ICA1L: variants seen among roughly 807,000 people sequenced by gnomAD.
ICA1L encodes the protein islet cell autoantigen 1-like protein.
A neutral mutation model predicts 61.3 loss-of-function variants in ICA1L; 50 were observed. That is an observed-to-expected ratio of 0.82 (90% CI 0.65 to 1.03). The LOEUF (loss-of-function observed/expected upper bound fraction) is 1.03, where lower values mean the gene tolerates loss of function less well. ICA1L is among the 50% of genes least tolerant of loss of function. The pLI is 0.00. For synonymous variants in ICA1L, 161 were observed against 191.3 expected (o/e 0.84, Z 1.31); for missense variants, 508 against 556.7 (o/e 0.91, Z 0.88).
Position 202,779,353 on chromosome 2 carries a change from T to C in ICA1L, c.*180A>G, listed in dbSNP as rs1574317380. ...AGTACCAACAGCTGCAAATCCAAGA[T>C]ATGAAAGATGTGTACTTATTCAAAT... On this transcript the variant is annotated 3_prime_UTR_variant, in exon 13 of 13. Coordinates refer to ENST00000358299, the MANE Select transcript of ICA1L (RefSeq NM_001288622.3). 3 of 444,660 alleles carry C rather than the reference T, an allele frequency of 6.7e-6. No individual in the cohort carries two copies. Among genetic ancestry groups the C allele is most frequent in the Non-Finnish European group, 1.2e-5 (3 of 253,192 alleles). The allele number at this position is 444,660 out of a possible 1,614,324, so 27.5% of individuals were successfully genotyped here. A position where few individuals can be genotyped will look rare whatever the true frequency, so the allele number is the denominator to read the frequency against.
chr2:202,817,461 G>A lies in ICA1L; in HGVS notation c.641C>T (p.Ala214Val), dbSNP rs774414159. 6 of 1,610,520 alleles carry A rather than the reference G, an allele frequency of 3.7e-6. No individual in the cohort carries two copies. The highest frequency in any genetic ancestry group is 3.3e-5 in the South Asian group (3 of 90,630). Residue 214 changes from alanine (A) to valine (V), a missense_variant, in exon 6 of 13, where the codon GCT becomes GTT. Coordinates refer to ENST00000358299, the MANE Select transcript of ICA1L (RefSeq NM_001288622.3). ...ATGAGATAGCATATTGCAGCGACTA[G>A]CTCCAAGTAAATCCACTTTCTGACA... ...DVCQKVDLLG[A>V]SRCNMLSHSL...
rs776921938 is a variant in ICA1L, at chr2:202,814,696, G to A, written c.866+6C>T. ...AACATGACACAGATGACTTATGCCTGCTTACTTATTGAGCTGTTCAGTAAG... is the reference window on the plus strand; with the variant it reads ...AACATGACACAGATGACTTATGCCTACTTACTTATTGAGCTGTTCAGTAAG... On this transcript the variant is annotated splice_donor_region_variant and intron_variant, in intron 8 of 12. Transcript: ENST00000358299. 1.9e-6 allele frequency: 3 copies of A among 1,598,476 alleles called. No homozygotes were observed. The highest frequency in any genetic ancestry group is 1.3e-5 in the African/African-American group (1 of 74,698).
At position 202,821,479 on chromosome 2, in the gene ICA1L, T is replaced by A. The variant is rs144482724; in HGVS notation, c.238A>T (p.Ile80Leu). ...CCTAGCTCATTTTCTTCCTCTGATA[T>A]AACTAGGAAAAAAATTACAGTGTAG... ...IEKYQLRLNVISEEENELGLF... is the reference protein window; with the variant it reads ...IEKYQLRLNVLSEEENELGLF... The change falls in exon 4 of 13, where the codon ATA (isoleucine) becomes TTA (leucine). Residue 80 changes from isoleucine to leucine, a missense_variant and splice_region_variant. Ile to Leu is a conservative substitution (Grantham distance 5, BLOSUM62 2). Transcript: ENST00000358299. 1.9e-6 allele frequency: 3 copies of A among 1,601,526 alleles called. No individual in the cohort carries two copies. The highest frequency in any genetic ancestry group is 1.7e-5 in the Admixed American group (1 of 57,628).
intron 9 of ICA1L, among the ~76,000 whole-genome samples, chr2:202,803,679 G>A (rs941480734): frequency 5.9e-5 from 9 of 151,876 alleles, no homozygotes; most frequent in African/African-American, 1.9e-4. Context: ...GGGACTACAG[G>A]TGCACGCCAC....
chr2:202,830,776 T>C (rs1693996469), intron 1 of ICA1L, among the ~76,000 whole-genome samples: 1 of 152,084 alleles, frequency 6.6e-6, no homozygotes, highest in South Asian at 2.1e-4. Context: ...AGAAAAACTT[T>C]AGCAAAAGCA....
Position 202,785,996 on chromosome 2 carries a change from G to C in ICA1L, c.1255C>G (p.Gln419Glu). Residue 419 changes from glutamine (Q) to glutamate (E), a missense_variant, in exon 12 of 13, where the codon CAA becomes GAA. Transcript: ENST00000358299. ...GAAAGACAAAGTTCTGATTCCTCTT[G>C]GGAGACCCAGTCTGGGATAAAAGAA... ...VAGAFNNWVS[Q>E]EESELCLSHT... 1 of 1,600,666 alleles carries C rather than the reference G, an allele frequency of 6.2e-7. No individual in the cohort carries two copies. The highest frequency in any genetic ancestry group is 8.6e-7 in the Non-Finnish European group (1 of 1,169,382).
chr2:202,866,912 A>G (rs1468889153), intron 1 of ICA1L, among the ~76,000 whole-genome samples: 1 of 151,992 alleles, frequency 6.6e-6, no homozygotes, highest in Non-Finnish European at 1.5e-5. Flanking sequence ...GTGCCACTAC[A>G]CTCCAGCCAG....
At position 202,774,672 on chromosome 2, in the gene ICA1L, T is replaced by C. The variant is rs72932707; in HGVS notation, c.*4861A>G. On this transcript the variant is annotated 3_prime_UTR_variant, in exon 13 of 13. Transcript: ENST00000358299. ...AGGCCTAAGACATGGGCAGGAGCCT[T>C]TGGGTCAGGGAGAAGCACACAAGAA... is the stretch of plus-strand genomic sequence containing the variant. 19,610 of 201,576 alleles carry C rather than the reference T, an allele frequency of 0.097. 1,134 individuals are homozygous for C. Among genetic ancestry groups the C allele is most frequent in the Non-Finnish European group, 0.13 (12,842 of 100,896 alleles). The allele number at this position is 201,576 out of a possible 1,614,324, so 12.5% of individuals were successfully genotyped here. A position where few individuals can be genotyped will look rare whatever the true frequency, so the allele number is the denominator to read the frequency against.
intron 10 of ICA1L, among the ~76,000 whole-genome samples, chr2:202,792,468 T>A (rs901744972): frequency 6.6e-6 from 1 of 152,068 alleles, no homozygotes; most frequent in Non-Finnish European, 1.5e-5. Context: ...TAAGTAAACA[T>A]AAGATGGTAT....
At chr2:202,785,887 A>T in intron 12 of ICA1L, 31 bp downstream of exon 12, 1 of 1,159,664 alleles carries the variant, frequency 8.6e-7, no homozygotes, top group Non-Finnish European at 1.3e-6. Flanking sequence ...TCTTAAAGCA[A>T]TGATAAAGAA....
chr2:202,808,365 C>T (rs955979403), intron 9 of ICA1L, among the ~76,000 whole-genome samples: 7 of 152,052 alleles, frequency 4.6e-5, no homozygotes, highest in Admixed American at 3.3e-4. Context: ...AGACTCCTTC[C>T]GCATGAGGAA....
intron 1 of ICA1L, among the ~76,000 whole-genome samples, chr2:202,857,039 G>A (rs1012598427): frequency 7.2e-5 from 11 of 152,194 alleles, no homozygotes; most frequent in South Asian, 2.1e-4. Flanking sequence ...TCAATATCAT[G>A]AAAATGGCTA....
chr2:202,836,838 TATATAG>T (rs1337696659), intron 1 of ICA1L, among the ~76,000 whole-genome samples: 1 of 150,228 alleles, frequency 6.7e-6, no homozygotes, highest in Non-Finnish European at 1.5e-5. Context: ...TAGATACAGA[TATATAG>T]ATATAGATAT....
intron 3 of ICA1L, among the ~76,000 whole-genome samples, chr2:202,825,223 C>T (rs571691202): frequency 6.6e-6 from 1 of 152,250 alleles, no homozygotes; most frequent in East Asian, 1.9e-4. Flanking sequence ...AATCCCAGTA[C>T]TTTGGGAGGT....
At chr2:202,781,460 G>A (rs1271399919) in intron 12 of ICA1L, among the ~76,000 whole-genome samples, 6 of 151,566 alleles carry the variant, frequency 4.0e-5, no homozygotes, top group Non-Finnish European at 8.8e-5. Context: ...TGTAATCCCA[G>A]CTACTTGGAA....
intron 1 of ICA1L, among the ~76,000 whole-genome samples, chr2:202,837,270 T>C (rs1041097227): frequency 2.0e-5 from 3 of 151,964 alleles, no homozygotes; most frequent in Non-Finnish European, 4.4e-5. Flanking sequence ...GGCTTACCAA[T>C]TTTCCGTTGT....
intron 1 of ICA1L, among the ~76,000 whole-genome samples, chr2:202,839,895 C>T (rs1694274583): frequency 6.6e-6 from 1 of 151,920 alleles, no homozygotes; most frequent in African/African-American, 2.4e-5. Context: ...ATGAGGCTTA[C>T]ATAAAACAGC....
At chr2:202,795,876 T>C (rs1188630973) in intron 10 of ICA1L, among the ~76,000 whole-genome samples, 2 of 151,930 alleles carry the variant, frequency 1.3e-5, no homozygotes, top group Non-Finnish European at 2.9e-5. Context: ...ACCCCATCTC[T>C]ACTAAAAATA....
intron 9 of ICA1L, among the ~76,000 whole-genome samples, chr2:202,811,262 C>T (rs185880845): frequency 9.2e-5 from 14 of 152,034 alleles, no homozygotes; most frequent in South Asian, 4.2e-4. Context: ...TCAGACCAGC[C>T]GACACTTGGG....
Sources: gnomAD v4.1 joint callset for allele counts (sites outside exome capture counted in the v4.1 genomes callset) on GRCh38, gnomAD v4.1.1 for gene constraint, MANE v1.5 for transcripts, NCBI Gene and HGNC (gene_info 2026-07-23, HGNC 2026-07-21) for gene names.